The following CLPB variants were observed in gnomAD, a reference collection of about 807,000 sequenced individuals.
CLPB encodes mitochondrial disaggregase.
In CLPB, 40 loss-of-function variants were observed where a neutral mutation model predicts 78.4. The ratio of observed to expected loss-of-function variants is 0.51; its 90% confidence interval spans 0.40 to 0.66. The LOEUF (loss-of-function observed/expected upper bound fraction) is 0.66. Among genes scored for constraint, CLPB ranks in the 30% least tolerant of loss-of-function variants. The pLI, the probability that CLPB is intolerant of heterozygous loss-of-function variation, is 0.00. For synonymous variants in CLPB, 333 were observed against 348.0 expected (o/e 0.96, Z 0.48); for missense variants, 780 against 886.9 (o/e 0.88, Z 1.53).
chr11:72,314,927 A>G (rs1185369317), intron 7 of CLPB, among the ~76,000 whole-genome samples: 4 of 152,180 alleles, frequency 2.6e-5, no homozygotes, highest in Non-Finnish European at 4.4e-5. Context: ...GGAACATGCA[A>G]AGGTTTTAAA....
At chr11:72,306,080 C>T (rs942765047) in intron 9 of CLPB, among the ~76,000 whole-genome samples, 1 of 152,184 alleles carries the variant, frequency 6.6e-6, no homozygotes, top group Non-Finnish European at 1.5e-5. Context: ...TCGGTCGGAG[C>T]GCATTAGCAT....
chr11:72,344,625 C>A (rs1369684151), intron 5 of CLPB, among the ~76,000 whole-genome samples: 1 of 152,116 alleles, frequency 6.6e-6, no homozygotes, highest in Non-Finnish European at 1.5e-5. Context: ...GTCCTCAGCC[C>A]TTATTCCTTT....
intron 7 of CLPB, among the ~76,000 whole-genome samples, chr11:72,314,721 T>C (rs528751799): frequency 6.6e-6 from 1 of 151,226 alleles, no homozygotes; most frequent in African/African-American, 2.4e-5. Context: ...CCAGCCAGTG[T>C]GTCGGCAATG....
intron 6 of CLPB, among the ~76,000 whole-genome samples, chr11:72,327,943 G>A (rs1950158947): frequency 6.6e-6 from 1 of 152,188 alleles, no homozygotes; most frequent in Non-Finnish European, 1.5e-5. Flanking sequence ...TTCTCCAGAA[G>A]AAACTACTGC....
intron 8 of CLPB, among the ~76,000 whole-genome samples, 193 bp from the exon 9 acceptor site, chr11:72,307,447 C>T (rs1168216846): frequency 2.0e-5 from 3 of 152,224 alleles, no homozygotes. Flanking sequence ...AAATCAAAGT[C>T]TGCACCTGCA....
chr11:72,315,749 G>T (rs767398026), intron 7 of CLPB, among the ~76,000 whole-genome samples: 1 of 152,138 alleles, frequency 6.6e-6, no homozygotes, highest in African/African-American at 2.4e-5. Flanking sequence ...GGTACCCATG[G>T]GGTGCCAGGC....
chr11:72,377,005 G>A (rs954381735), intron 4 of CLPB, among the ~76,000 whole-genome samples: 6 of 152,126 alleles, frequency 3.9e-5, no homozygotes, highest in Admixed American at 1.3e-4. Context: ...GGTAATTACC[G>A]GGTACCAGTA....
chr11:72,329,573 A>T, intron 6 of CLPB, 134 bp downstream of exon 6: 4 of 582,476 alleles, frequency 6.9e-6, no homozygotes, highest in Non-Finnish European at 1.2e-5. Flanking sequence ...AATACAGATA[A>T]TATCTGTATT....
At chr11:72,394,723 A>G (rs752889024) in intron 3 of CLPB, among the ~76,000 whole-genome samples, 3 of 152,248 alleles carry the variant, frequency 2.0e-5, no homozygotes, top group Non-Finnish European at 2.9e-5. Context: ...TTTCTTACTC[A>G]GAGATAATCG....
At position 72,295,575 on chromosome 11, in the gene CLPB, G is replaced by A. The variant is rs771492267; in HGVS notation, c.1403C>T (p.Ala468Val). 3.1e-6 allele frequency: 5 copies of A among 1,614,158 alleles called. No homozygotes were observed. Among genetic ancestry groups the A allele is most frequent in the Non-Finnish European group, 4.2e-6 (5 of 1,179,998 alleles). The change falls in exon 12 of 16, where the codon GCC becomes GTC. Residue 468 changes from alanine to valine, a missense_variant. Coordinates refer to ENST00000538039, the MANE Select transcript of CLPB (RefSeq NM_001258392.3). ...DAIFIMTSNVASDEIAQHALQ... is the reference protein window; with the variant it reads ...DAIFIMTSNVVSDEIAQHALQ... The stretch of plus-strand genomic sequence containing the variant: ...CGCGTGCTGTGCGATCTCGTCGCTG[G>A]CCACATTGGAGGTCATGATGAAGAT...
intron 3 of CLPB, among the ~76,000 whole-genome samples, chr11:72,401,959 T>TA (rs1381759304): frequency 6.6e-6 from 1 of 151,880 alleles, no homozygotes; most frequent in Non-Finnish European, 1.5e-5. Flanking sequence ...TGAGATAAAG[T>TA]AAAAAACACA....
At position 72,315,282 on chromosome 11, in the gene CLPB, G is replaced by A. The variant is rs80272608; in HGVS notation, c.988+1824C>T. On this transcript the variant is annotated intron_variant, in intron 7 of 15. Coordinates refer to ENST00000538039, the MANE Select transcript of CLPB (RefSeq NM_001258392.3). ...TGGTTCTGTATGTGCTGAATAGATA[G>A]CTGGTTGCCTTTCTGAGGAGCATGG... 4.3e-3 allele frequency among the ~76,000 whole-genome samples: 658 copies of A among 152,338 alleles called. 6 individuals are homozygous for A. The highest frequency in any genetic ancestry group is 6.6e-3 in the South Asian group (32 of 4,830).
chr11:72,330,879 A>AG (rs1950211906), intron 5 of CLPB, among the ~76,000 whole-genome samples: 1 of 152,174 alleles, frequency 6.6e-6, no homozygotes, highest in African/African-American at 2.4e-5. Context: ...GTTAAGACTC[A>AG]GTCCCTGCCA....
intron 2 of CLPB, among the ~76,000 whole-genome samples, chr11:72,409,086 A>G (rs1003558050): frequency 6.6e-6 from 1 of 152,222 alleles, no homozygotes; most frequent in Non-Finnish European, 1.5e-5. Flanking sequence ...AGAATGCTTA[A>G]TTCAGGCTGC....
At chr11:72,409,969 C>T (rs569728754) in intron 2 of CLPB, among the ~76,000 whole-genome samples, 4 of 151,070 alleles carry the variant, frequency 2.6e-5, no homozygotes, top group South Asian at 4.2e-4. Context: ...AGTGAGACTC[C>T]GTATAAAAAA....
At position 72,286,258 on chromosome 11, in the gene CLPB, T is replaced by TG. The variant is rs2135474473; in HGVS notation, c.*7108dup. 7.5e-6 allele frequency: 1 copy of TG among 133,552 alleles called. No homozygotes were observed. The highest frequency in any genetic ancestry group is 2.2e-4 in the East Asian group (1 of 4,454). The allele number at this position is 133,552 out of a possible 1,614,324, so 8.3% of individuals were successfully genotyped here. ...TTTTTTTTTTTTTTAAGAGATAGGG[T>TG]GTCACTCTGCCACCCAGCCTGGAGT... On this transcript the variant is annotated 3_prime_UTR_variant, in exon 16 of 16. Coordinates refer to ENST00000538039, the MANE Select transcript of CLPB (RefSeq NM_001258392.3).
At chr11:72,371,159 G>T (rs1951034380) in intron 4 of CLPB, among the ~76,000 whole-genome samples, 1 of 152,034 alleles carries the variant, frequency 6.6e-6, no homozygotes, top group South Asian at 2.1e-4. Context: ...GACCTCCTGG[G>T]CTCAGGCAAT....
At chr11:72,322,135 A>G (rs1950055110) in intron 6 of CLPB, among the ~76,000 whole-genome samples, 1 of 152,172 alleles carries the variant, frequency 6.6e-6, no homozygotes, top group East Asian at 1.9e-4. Flanking sequence ...TAGTCCACAA[A>G]GGACACATCC....
chr11:72,314,843 C>G (rs1270966621), intron 7 of CLPB, among the ~76,000 whole-genome samples: 14 of 152,012 alleles, frequency 9.2e-5, no homozygotes. Flanking sequence ...CAGAGGCAGG[C>G]CATTGTGGCT....
Sources: gnomAD v4.1 joint callset for allele counts (sites outside exome capture counted in the v4.1 genomes callset) on GRCh38, gnomAD v4.1.1 for gene constraint, MANE v1.5 for transcripts, NCBI Gene and HGNC (gene_info 2026-07-23, HGNC 2026-07-21) for gene names.